The following CDH13 variants were observed in gnomAD, a reference collection of about 807,000 sequenced individuals.
CDH13 encodes cadherin-13.
Under a neutral mutation model 63.8 loss-of-function variants are expected in CDH13, and 24 were observed. That is an observed-to-expected ratio of 0.38 (90% confidence interval 0.27 to 0.53). The LOEUF is 0.53. Ranked by LOEUF, CDH13 falls within the 20% of genes least tolerant of loss-of-function variation. CDH13 has a pLI of 0.85. For missense variants in CDH13, 1,049 were observed against 903.1 expected (o/e 1.16, Z -2.07); for synonymous variants, 503 against 355.3 (o/e 1.42, Z -4.67).
chr16:83,356,431 C>G (rs1436494500), intron 6 of CDH13, among the ~76,000 whole-genome samples: 2 of 152,052 alleles, frequency 1.3e-5, no homozygotes, highest in African/African-American at 4.8e-5. Context: ...CTCGAAGATT[C>G]ATAAAGCATG....
intron 2 of CDH13, among the ~76,000 whole-genome samples, chr16:83,002,629 G>T (rs1913059556): frequency 6.6e-6 from 1 of 152,222 alleles, no homozygotes; most frequent in East Asian, 1.9e-4. Context: ...TCAATGTTGG[G>T]TTGTGATCAA....
chr16:83,138,814 A>G (rs988410442), intron 4 of CDH13, among the ~76,000 whole-genome samples: 2 of 152,012 alleles, frequency 1.3e-5, no homozygotes, highest in Non-Finnish European at 2.9e-5. Context: ...GAAATCCAGG[A>G]GGGTGACGAA....
intron 12 of CDH13, among the ~76,000 whole-genome samples, chr16:83,782,215 C>T (rs1352051445): frequency 6.6e-6 from 1 of 151,998 alleles, no homozygotes; most frequent in South Asian, 2.1e-4. Context: ...CAGAAAGGGG[C>T]ACTTAAAAAT....
intron 5 of CDH13, among the ~76,000 whole-genome samples, chr16:83,287,557 A>G (rs982653105): frequency 1.7e-4 from 26 of 152,192 alleles, no homozygotes; most frequent in Admixed American, 3.3e-4. Context: ...GCTCCTTATG[A>G]GAATCTAATG....
At chr16:82,997,214 G>A (rs1186943177) in intron 2 of CDH13, among the ~76,000 whole-genome samples, 1 of 152,020 alleles carries the variant, frequency 6.6e-6, no homozygotes, top group Non-Finnish European at 1.5e-5. Flanking sequence ...TGATAATGAT[G>A]GTAATGGGTG....
At chr16:82,700,444 G>A (rs979279481) in intron 1 of CDH13, among the ~76,000 whole-genome samples, 2 of 152,096 alleles carry the variant, frequency 1.3e-5, no homozygotes, top group Non-Finnish European at 2.9e-5. Context: ...ATGTACATAA[G>A]TGGACATTAG....
At chr16:83,757,876 C>A (rs1335742838) in intron 11 of CDH13, among the ~76,000 whole-genome samples, 1 of 151,964 alleles carries the variant, frequency 6.6e-6, no homozygotes, top group Non-Finnish European at 1.5e-5. Flanking sequence ...TGCCTGTAAT[C>A]CCAGCACTTT....
At chr16:83,581,178 C>G (rs931403405) in intron 7 of CDH13, among the ~76,000 whole-genome samples, 2 of 152,216 alleles carry the variant, frequency 1.3e-5, no homozygotes, top group African/African-American at 2.4e-5. Context: ...ATTGATCCAA[C>G]AAATGCACGT....
intron 4 of CDH13, among the ~76,000 whole-genome samples, chr16:83,142,104 A>G (rs1953530547): frequency 6.6e-6 from 1 of 151,744 alleles, no homozygotes; most frequent in African/African-American, 2.4e-5. Context: ...TCTGGTGAGC[A>G]TAAGTTCTAC....
chr16:82,887,835 AAGG>A (rs2040944299), intron 2 of CDH13, among the ~76,000 whole-genome samples: 1 of 152,108 alleles, frequency 6.6e-6, no homozygotes, highest in Non-Finnish European at 1.5e-5. Flanking sequence ...AAAAAAAAGA[AAGG>A]AGAAGAGTGT....
At chr16:82,662,377 C>T (rs993630551) in intron 1 of CDH13, among the ~76,000 whole-genome samples, 6 of 152,182 alleles carry the variant, frequency 3.9e-5, no homozygotes, top group East Asian at 1.9e-4. Flanking sequence ...ATTGTCTGAA[C>T]ATATTTCAAT....
intron 1 of CDH13, chr16:82,719,431 G>C (rs1439708021): frequency 2.2e-6 from 1 of 455,908 alleles, no homozygotes; most frequent in Non-Finnish European, 4.4e-6. Flanking sequence ...TGGAGTCTGA[G>C]GCTCAGTTTT....
intron 1 of CDH13, among the ~76,000 whole-genome samples, chr16:82,715,827 C>G (rs1034925739): frequency 3.9e-5 from 6 of 152,168 alleles, no homozygotes; most frequent in Non-Finnish European, 8.8e-5. Context: ...TCCTACCTGC[C>G]TTTTTTATTT....
At chr16:82,974,014 G>A (rs897062741) in intron 2 of CDH13, among the ~76,000 whole-genome samples, 4 of 152,188 alleles carry the variant, frequency 2.6e-5, no homozygotes, top group South Asian at 2.1e-4. Context: ...CTGCCTCCCC[G>A]GTTCTAGCGA....
intron 2 of CDH13, among the ~76,000 whole-genome samples, chr16:82,869,917 C>T (rs1300528901): frequency 6.6e-6 from 1 of 152,120 alleles, no homozygotes; most frequent in Non-Finnish European, 1.5e-5. Flanking sequence ...GGACATTGGT[C>T]TTGGCAAAGA....
intron 2 of CDH13, among the ~76,000 whole-genome samples, chr16:83,029,353 T>C (rs907842529): frequency 1.3e-5 from 2 of 152,156 alleles, no homozygotes; most frequent in Admixed American, 6.5e-5. Context: ...CCAAAAGATG[T>C]ACACAAGAAA....
At chr16:83,196,532 C>G (rs1184061036) in intron 4 of CDH13, among the ~76,000 whole-genome samples, 1 of 152,042 alleles carries the variant, frequency 6.6e-6, no homozygotes, top group African/African-American at 2.4e-5. Flanking sequence ...TTACAAACCA[C>G]ATATCTGAAA....
chr16:83,472,156 G>C (rs1367784086), intron 6 of CDH13, among the ~76,000 whole-genome samples: 1 of 152,150 alleles, frequency 6.6e-6, no homozygotes, highest in Non-Finnish European at 1.5e-5. Context: ...AACCATTACT[G>C]TCCCCACTTA....
intron 2 of CDH13, chr16:82,884,113 A>G (rs958195617): frequency 2.9e-5 from 13 of 449,682 alleles, no homozygotes; most frequent in Admixed American, 2.4e-4. Flanking sequence ...AAATACAAAT[A>G]TTGTTGATTG....
Sources: allele counts gnomAD v4.1 joint callset (sites outside exome capture counted in the v4.1 genomes callset), GRCh38; gene constraint gnomAD v4.1.1; transcripts MANE v1.5; gene names NCBI Gene and HGNC (gene_info 2026-07-23, HGNC 2026-07-21).